The following PACRG variants were observed in gnomAD, a reference collection of about 807,000 sequenced individuals.
PACRG encodes parkin coregulated gene protein.
PACRG carries 29 observed loss-of-function variants against 29.7 expected under a neutral mutation model. The ratio of observed to expected loss-of-function variants is 0.98; its 90% CI spans 0.73 to 1.33. PACRG has a LOEUF of 1.33. Ranked by LOEUF, PACRG falls within the 40% of genes most tolerant of loss-of-function variation. The pLI is 0.00. For synonymous variants in PACRG, 116 were observed against 118.7 expected, an observed-to-expected ratio of 0.98 and a Z score of 0.15; for missense variants, 279 against 316.2, an observed-to-expected ratio of 0.88 and a Z score of 0.89.
chr6:162,896,408 A>T (rs1280284262), intron 2 of PACRG, among the ~76,000 whole-genome samples: 3 of 152,188 alleles, frequency 2.0e-5, no homozygotes, highest in African/African-American at 7.2e-5. Flanking sequence ...AGGAGTTATT[A>T]TGTGAAGGTC....
chr6:162,909,220 G>T (rs115679364), intron 2 of PACRG, among the ~76,000 whole-genome samples: 1 of 151,900 alleles, frequency 6.6e-6, no homozygotes, highest in Non-Finnish European at 1.5e-5. Context: ...AGTTATTTCC[G>T]TCTGGAAGTC....
At chr6:162,727,716 G>A (rs1346951062), upstream of PACRG, 3 of 1,550,970 alleles carry the variant, frequency 1.9e-6, no homozygotes, top group Middle Eastern at 3.4e-4. Context: ...GCCCATGCGC[G>A]CAGCGGCGCC....
intron 2 of PACRG, among the ~76,000 whole-genome samples, chr6:162,919,029 G>A (rs2128090449): frequency 6.6e-6 from 1 of 152,198 alleles, no homozygotes; most frequent in Admixed American, 6.5e-5. Context: ...TGACCTAGAG[G>A]GGATGAAGCC....
intron 4 of PACRG, among the ~76,000 whole-genome samples, chr6:163,207,506 A>G (rs1007140024): frequency 6.6e-6 from 1 of 152,194 alleles, no homozygotes; most frequent in African/African-American, 2.4e-5. Flanking sequence ...AGACATTTCC[A>G]TGATATTCAA....
At chr6:162,953,511 A>C (rs187353929) in intron 2 of PACRG, among the ~76,000 whole-genome samples, 2 of 152,282 alleles carry the variant, frequency 1.3e-5, no homozygotes, top group East Asian at 3.9e-4. Context: ...TATCTAGTAA[A>C]AGTAGAAAAT....
intron 4 of PACRG, among the ~76,000 whole-genome samples, chr6:163,123,589 AC>A (rs1376214532): frequency 1.3e-5 from 2 of 152,052 alleles, no homozygotes; most frequent in Non-Finnish European, 2.9e-5. Context: ...ACCGTGTTGT[AC>A]AGGAGATCTC....
intron 2 of PACRG, among the ~76,000 whole-genome samples, chr6:162,974,864 C>T (rs147804067): frequency 2.0e-5 from 3 of 152,260 alleles, no homozygotes; most frequent in African/African-American, 4.8e-5. Flanking sequence ...CCTGGCAATC[C>T]TTCTCCAAAT....
At chr6:163,254,680 T>C (rs2128173221) in intron 4 of PACRG, among the ~76,000 whole-genome samples, 1 of 152,320 alleles carries the variant, frequency 6.6e-6, no homozygotes, top group African/African-American at 2.4e-5. Context: ...ATAACAGCCA[T>C]GAGGCTGTCC....
Position 162,891,021 on chromosome 6 carries a change from T to A in PACRG, c.291+76740T>A, listed in dbSNP as rs564839774. On this transcript the variant is annotated intron_variant, in intron 2 of 4. Coordinates refer to ENST00000366888, the MANE Select transcript of PACRG (RefSeq NM_001080379.2). ...TATGATGGGGTCTTGCTAAGCTGAG[T>A]GCCTGCTCCAGGAAAGCCTTGTGAT... 2.6e-4 allele frequency among the ~76,000 whole-genome samples: 39 copies of A among 152,268 alleles called. 1 individual carries two copies. Among genetic ancestry groups the A allele is most frequent in the African/African-American group, 8.4e-4 (35 of 41,544 alleles).
At chr6:162,768,408 T>A (rs535291432) in intron 1 of PACRG, among the ~76,000 whole-genome samples, 2 of 152,180 alleles carry the variant, frequency 1.3e-5, no homozygotes, top group South Asian at 4.1e-4. Context: ...TATCAGACAG[T>A]TTTGCTTTGA....
chr6:162,987,904 G>A lies in PACRG; in HGVS notation c.292-74246G>A, dbSNP rs139676914. On this transcript the variant is annotated intron_variant, in intron 2 of 4. Coordinates refer to ENST00000366888, the MANE Select transcript of PACRG (RefSeq NM_001080379.2). Reference sequence around the variant, plus strand: ...ACCTCTGGTTATCCAGGATGCTGCAGGCAGTGGAATTAGCTGTTGTTTTCT... The same window carrying A: ...ACCTCTGGTTATCCAGGATGCTGCAAGCAGTGGAATTAGCTGTTGTTTTCT... 9.1e-3 allele frequency among the ~76,000 whole-genome samples: 1,388 copies of A among 152,286 alleles called. 12 individuals carry two copies. The highest frequency in any genetic ancestry group is 0.024 in the African/African-American group (992 of 41,566).
intron 4 of PACRG, among the ~76,000 whole-genome samples, chr6:163,244,271 T>G (rs16894692): frequency 0.083 from 12,594 of 152,122 alleles, 1,027 homozygotes; most frequent in East Asian, 0.21. Flanking sequence ...AATTCCTTCA[T>G]TTGCATTCAG....
intron 2 of PACRG, among the ~76,000 whole-genome samples, chr6:162,888,394 C>T (rs1317594748): frequency 1.3e-5 from 2 of 152,152 alleles, no homozygotes; most frequent in Non-Finnish European, 2.9e-5. Context: ...TCTCTGCCCT[C>T]CTCTTGCATC....
intron 4 of PACRG, among the ~76,000 whole-genome samples, chr6:163,277,724 T>C (rs1224885293): frequency 6.6e-6 from 1 of 151,388 alleles, no homozygotes; most frequent in East Asian, 1.9e-4. Context: ...ATTTTCTTTA[T>C]CCACTAGTTG....
intron 2 of PACRG, among the ~76,000 whole-genome samples, chr6:162,828,135 T>G (rs989736263): frequency 4.6e-5 from 7 of 152,204 alleles, no homozygotes; most frequent in African/African-American, 1.7e-4. Flanking sequence ...AGTAGCAATT[T>G]GAATTTTCAT....
At chr6:163,197,941 T>C (rs1207513240) in intron 4 of PACRG, among the ~76,000 whole-genome samples, 1 of 152,232 alleles carries the variant, frequency 6.6e-6, no homozygotes, top group Non-Finnish European at 1.5e-5. Context: ...AAAATTGTGA[T>C]GTAAACCACT....
rs140450249 is a variant in PACRG at position 163,037,741 on chromosome 6, GCA to G, written c.292-24396_292-24395del. 1.9e-4 allele frequency among the ~76,000 whole-genome samples: 29 copies of G among 151,782 alleles called. No individual in the cohort carries two copies. In the East Asian group the frequency reaches 5.1e-3, roughly 26 times the overall value. On this transcript the variant is annotated intron_variant, in intron 2 of 4. Transcript: ENST00000366888. ...AGCACAGACGCATGTGCACATGCAT[GCA>G]CACACACACACAGTTTCCACCCTGG...
intron 4 of PACRG, among the ~76,000 whole-genome samples, chr6:163,200,216 GA>G (rs1268941751): frequency 1.3e-5 from 2 of 151,978 alleles, no homozygotes; most frequent in East Asian, 1.9e-4. Context: ...TAAAAATACA[GA>G]AAAAAAGGCA....
chr6:162,826,752 C>T (rs536283594), intron 2 of PACRG, among the ~76,000 whole-genome samples: 12 of 152,202 alleles, frequency 7.9e-5, no homozygotes, highest in African/African-American at 2.9e-4. Flanking sequence ...CGTGAGCCAC[C>T]GCACCCAGCC....
Sources: allele counts gnomAD v4.1 joint callset (sites outside exome capture counted in the v4.1 genomes callset), GRCh38; gene constraint gnomAD v4.1.1; transcripts MANE v1.5; gene names NCBI Gene and HGNC (gene_info 2026-07-23, HGNC 2026-07-21).